Variants in SORCS1 observed in about 807,000 individuals in gnomAD.
SORCS1 encodes sortilin related VPS10 domain containing receptor 1.
SORCS1 carries 60 observed loss-of-function variants against 146.1 expected under a neutral mutation model. The ratio of observed to expected loss-of-function variants is 0.41; its 90% CI spans 0.33 to 0.51. The LOEUF (loss-of-function observed/expected upper bound fraction) is 0.51, where lower values mean the gene tolerates loss of function less well. Ranked by LOEUF, SORCS1 falls within the 20% of genes least tolerant of loss-of-function variation. SORCS1 has a pLI of 0.21. For missense variants in SORCS1, 1,352 were observed against 1,487.6 expected, an observed-to-expected ratio of 0.91 and a Z score of 1.50; for synonymous variants, 637 against 584.0, an observed-to-expected ratio of 1.09 and a Z score of -1.31.
intron 1 of SORCS1, among the ~76,000 whole-genome samples, chr10:107,115,974 T>C (rs1327202632): frequency 2.0e-5 from 3 of 152,086 alleles, no homozygotes; most frequent in South Asian, 2.1e-4. Context: ...AGGAAACATA[T>C]AAATGGCTAT....
chr10:106,615,005 G>A (rs1847261143), intron 21 of SORCS1, among the ~76,000 whole-genome samples: 1 of 150,514 alleles, frequency 6.6e-6, no homozygotes, highest in African/African-American at 2.5e-5. Context: ...ACCTTCCCCT[G>A]TCAATTTCCC....
chr10:106,965,981 C>T (rs953332183), intron 1 of SORCS1, among the ~76,000 whole-genome samples: 3 of 152,104 alleles, frequency 2.0e-5, no homozygotes, highest in African/African-American at 2.4e-5. Flanking sequence ...TTAATTATTA[C>T]GTTTTTTAAA....
At chr10:106,844,389 C>A (rs910988291) in intron 2 of SORCS1, among the ~76,000 whole-genome samples, 2 of 151,926 alleles carry the variant, frequency 1.3e-5, no homozygotes, top group East Asian at 3.9e-4. Context: ...TTTCTAAGAC[C>A]AATATTGAGG....
At chr10:106,680,756 T>C (rs1429378783) in intron 10 of SORCS1, among the ~76,000 whole-genome samples, 1 of 152,244 alleles carries the variant, frequency 6.6e-6, no homozygotes, top group African/African-American at 2.4e-5. Context: ...TACTTTCTAA[T>C]CTTATCAACT....
At chr10:107,115,135 T>C (rs1027843287) in intron 1 of SORCS1, among the ~76,000 whole-genome samples, 1 of 151,970 alleles carries the variant, frequency 6.6e-6, no homozygotes, top group Non-Finnish European at 1.5e-5. Context: ...ATCCCGTGTT[T>C]ATGGATTGGA....
In SORCS1 at chr10:106,682,292, G is replaced by A. The variant is rs1268011779; in HGVS notation, c.1561-2558C>T. Among the ~76,000 whole-genome samples the A allele has an allele frequency of 3.9e-5, 6 of 152,182 alleles. No homozygotes were observed. In the South Asian group the frequency reaches 6.2e-4, roughly 16 times the overall value. The stretch of plus-strand genomic sequence containing the variant: ...ATTAATCTGAGGAAAAAAGACACCA[G>A]TTCACTCAGTAACAGCAACATTAGA... On this transcript the variant is annotated intron_variant, in intron 10 of 25. Coordinates refer to ENST00000263054, the MANE Select transcript of SORCS1 (RefSeq NM_052918.5).
Position 107,019,993 on chromosome 10 carries a change from C to A in SORCS1, c.559-63413G>T, listed in dbSNP as rs144183430. ...CAAGGAGTTTTAGAAGCAATGAAAT[C>A]ATTAAACATATGGACCTAAAATTCA... On this transcript the variant is annotated intron_variant, in intron 1 of 25. Coordinates refer to ENST00000263054, the MANE Select transcript of SORCS1 (RefSeq NM_052918.5). Among the ~76,000 whole-genome samples, 254 of 152,286 alleles carry A rather than the reference C, an allele frequency of 1.7e-3. 2 individuals carry two copies. Among genetic ancestry groups the A allele is most frequent in the African/African-American group, 5.8e-3 (242 of 41,576 alleles).
At chr10:106,814,717 A>G (rs949491406) in intron 3 of SORCS1, among the ~76,000 whole-genome samples, 1 of 151,950 alleles carries the variant, frequency 6.6e-6, no homozygotes, top group African/African-American at 2.4e-5. Flanking sequence ...GATCGAGACC[A>G]TCCTGGCTAA....
At chr10:106,686,428 T>C (rs2135612786) in intron 10 of SORCS1, among the ~76,000 whole-genome samples, 1 of 152,304 alleles carries the variant, frequency 6.6e-6, no homozygotes. Flanking sequence ...TTATCTCTCA[T>C]AGGCATTTAA....
chr10:106,788,101 G>A (rs1946142304), intron 3 of SORCS1, among the ~76,000 whole-genome samples: 1 of 145,174 alleles, frequency 6.9e-6, no homozygotes, highest in Non-Finnish European at 1.5e-5. Context: ...ATGCAGATAT[G>A]ACTTGGATGA....
chr10:106,927,503 T>C (rs10884383), intron 2 of SORCS1, among the ~76,000 whole-genome samples: 83,419 of 151,784 alleles, frequency 0.55, 23,968 homozygotes, highest in Non-Finnish European at 0.63. Flanking sequence ...AGCGAAAGAA[T>C]AAAGCTTCCA....
At chr10:106,853,060 T>C (rs1018146927) in intron 2 of SORCS1, among the ~76,000 whole-genome samples, 6 of 152,240 alleles carry the variant, frequency 3.9e-5, no homozygotes, top group Non-Finnish European at 7.3e-5. Context: ...AATTTATTTC[T>C]GAAATGTATG....
intron 1 of SORCS1, among the ~76,000 whole-genome samples, chr10:107,122,566 G>A (rs188501638): frequency 8.5e-5 from 13 of 152,256 alleles, no homozygotes; most frequent in African/African-American, 1.9e-4. Context: ...TACAAATAGC[G>A]GTAGCATTTA....
intron 3 of SORCS1, among the ~76,000 whole-genome samples, chr10:106,794,969 C>A (rs116957256): frequency 6.6e-6 from 1 of 152,186 alleles, no homozygotes; most frequent in Admixed American, 6.5e-5. Context: ...CTCACTCACA[C>A]GACCTTAGGA....
chr10:106,959,353 C>T (rs1010051691), intron 1 of SORCS1, among the ~76,000 whole-genome samples: 1 of 152,208 alleles, frequency 6.6e-6, no homozygotes, highest in African/African-American at 2.4e-5. Flanking sequence ...AGAAAGAAGG[C>T]ACAACTGCTA....
intron 3 of SORCS1, among the ~76,000 whole-genome samples, chr10:106,805,802 T>C (rs1173399570): frequency 1.3e-5 from 2 of 152,220 alleles, no homozygotes; most frequent in East Asian, 3.9e-4. Context: ...CTCACGCCTG[T>C]AATCCCAGCA....
At chr10:107,169,184 T>C (rs971024276), upstream of SORCS1, among the ~76,000 whole-genome samples, 1 of 152,216 alleles carries the variant, frequency 6.6e-6, no homozygotes, top group Non-Finnish European at 1.5e-5. Flanking sequence ...ATCACATTTA[T>C]ATGCCTCATC....
intron 13 of SORCS1, among the ~76,000 whole-genome samples, chr10:106,676,262 T>G (rs900256342): frequency 1.3e-5 from 2 of 152,168 alleles, no homozygotes; most frequent in Non-Finnish European, 2.9e-5. Context: ...AGCCTATTGA[T>G]AACTCCTCTG....
intron 1 of SORCS1, among the ~76,000 whole-genome samples, chr10:107,141,293 G>A (rs1967819090): frequency 6.6e-6 from 1 of 152,156 alleles, no homozygotes; most frequent in South Asian, 2.1e-4. Context: ...ACTCAATGGA[G>A]GGGAGGGGCA....
Sources: allele counts gnomAD v4.1 joint callset (sites outside exome capture counted in the v4.1 genomes callset), GRCh38; gene constraint gnomAD v4.1.1; transcripts MANE v1.5; gene names NCBI Gene and HGNC (gene_info 2026-07-23, HGNC 2026-07-21).